The following PLPP4 variants were observed in gnomAD, a reference collection of about 807,000 sequenced individuals.
PLPP4 encodes phospholipid phosphatase 4.
A neutral mutation model predicts 32.2 loss-of-function variants in PLPP4; 20 were observed. That is an observed-to-expected ratio of 0.62 (90% confidence interval 0.44 to 0.90). PLPP4 has a LOEUF of 0.90. Ranked by LOEUF, PLPP4 falls within the 40% of genes least tolerant of loss-of-function variation. The probability of loss-of-function intolerance (pLI) is 0.00; values close to 1 mark genes in which losing one functional copy is unlikely to be tolerated. For synonymous variants in PLPP4, 127 were observed against 133.0 expected (o/e 0.95, Z 0.31); for missense variants, 257 against 353.1 (o/e 0.73, Z 2.18).
intron 5 of PLPP4, among the ~76,000 whole-genome samples, chr10:120,539,072 T>C (rs944924544): frequency 6.6e-6 from 1 of 152,204 alleles, no homozygotes; most frequent in East Asian, 1.9e-4. Flanking sequence ...CAGAAGCCCA[T>C]ACATACTAAT....
chr10:120,505,061 G>A (rs1416306190), intron 2 of PLPP4, among the ~76,000 whole-genome samples: 1 of 152,212 alleles, frequency 6.6e-6, no homozygotes, highest in Non-Finnish European at 1.5e-5. Flanking sequence ...GGCTTTTTGC[G>A]GAGAGCTTAA....
rs755494169 is a variant in PLPP4, at chr10:120,503,962, C to G, written c.165+36C>G. 14 of 1,396,322 alleles carry G rather than the reference C, an allele frequency of 1.0e-5. No homozygotes were observed. The South Asian group carries it at 1.2e-4, about 12-fold the overall frequency. The allele number at this position is 1,396,322 out of a possible 1,614,324, so 86.5% of individuals were successfully genotyped here. Reference sequence around the variant, plus strand: ...TGATTTCATTCCTTATTTGACTGCTCTCTCAAAGATGAACCAAATGGGTTT... The same window carrying G: ...TGATTTCATTCCTTATTTGACTGCTGTCTCAAAGATGAACCAAATGGGTTT... On this transcript the variant is annotated intron_variant, in intron 2 of 6. Transcript: ENST00000398250.
intron 1 of PLPP4, among the ~76,000 whole-genome samples, chr10:120,466,370 C>T (rs895199859): frequency 6.6e-6 from 1 of 152,082 alleles, no homozygotes; most frequent in Non-Finnish European, 1.5e-5. Context: ...TGATAAATAT[C>T]CCATATATCC....
intron 5 of PLPP4, among the ~76,000 whole-genome samples, chr10:120,564,864 TAGGG>T (rs1295807292): frequency 1.3e-5 from 2 of 152,142 alleles, no homozygotes; most frequent in Admixed American, 1.3e-4. Flanking sequence ...AATTTTTAAA[TAGGG>T]AGCAAATTTC....
rs374014466 is a variant in PLPP4 at position 120,529,216 on chromosome 10, CAG to C, written c.445+8122_445+8123del. Among the ~76,000 whole-genome samples, 33 of 152,024 alleles carry C rather than the reference CAG, an allele frequency of 2.2e-4. No individual in the cohort carries two copies. In the East Asian group the frequency reaches 3.5e-3, roughly 16 times the overall value. On this transcript the variant is annotated intron_variant, in intron 5 of 6. Transcript: ENST00000398250. ...TGTGTGTGTGTGCGTGCATGTGTAA[CAG>C]GGGGTGCTATTGGCATCTCGAGAAC... is the stretch of plus-strand genomic sequence containing the variant.
At chr10:120,460,405 T>A (rs1847987826) in intron 1 of PLPP4, among the ~76,000 whole-genome samples, 1 of 152,120 alleles carries the variant, frequency 6.6e-6, no homozygotes. Context: ...AAGCACATAG[T>A]GTAGAAATGA....
intron 6 of PLPP4, chr10:120,580,864 A>G (rs1849473427): frequency 4.7e-6 from 6 of 1,288,212 alleles, no homozygotes; most frequent in African/African-American, 3.0e-5. Flanking sequence ...CCTCAGCCCA[A>G]GTGAATTGAT....
intron 5 of PLPP4, among the ~76,000 whole-genome samples, chr10:120,534,241 C>CT (rs901649282): frequency 6.7e-5 from 10 of 149,068 alleles, no homozygotes; most frequent in South Asian, 2.1e-4. Context: ...TCTTGATTGA[C>CT]TTTTTTTTTT....
chr10:120,482,686 C>T (rs1229073818), intron 1 of PLPP4, among the ~76,000 whole-genome samples: 3 of 151,656 alleles, frequency 2.0e-5, no homozygotes, highest in Non-Finnish European at 4.4e-5. Context: ...GGGCAGATCA[C>T]GAGGTCAGGA....
intron 1 of PLPP4, among the ~76,000 whole-genome samples, chr10:120,462,833 G>A (rs11199350): frequency 0.28 from 42,280 of 152,010 alleles, 6,752 homozygotes; most frequent in South Asian, 0.44. Flanking sequence ...TGGCAGCACC[G>A]CAGGGTGGAG....
intron 3 of PLPP4, among the ~76,000 whole-genome samples, chr10:120,516,857 G>A (rs1799314138): frequency 6.6e-6 from 1 of 152,208 alleles, no homozygotes; most frequent in Admixed American, 6.5e-5. Flanking sequence ...GATCCCCGGA[G>A]GGTTGTGCTA....
intron 6 of PLPP4, chr10:120,587,405 G>A (rs1407417596): frequency 6.6e-6 from 1 of 152,114 alleles, no homozygotes; most frequent in African/African-American, 2.4e-5. Context: ...CTGCCATCAC[G>A]GACATGTCTA....
chr10:120,588,118 G>A (rs192802147), intron 6 of PLPP4, among the ~76,000 whole-genome samples: 114 of 152,380 alleles, frequency 7.5e-4, no homozygotes, highest in South Asian at 3.1e-3. Flanking sequence ...CCTATGGGAA[G>A]TCTGTACGGT....
Position 120,509,812 on chromosome 10 carries a change from T to C in PLPP4, c.166-4099T>C, listed in dbSNP as rs537874875. Reference sequence around the variant, plus strand: ...TAAGATATGACAGCTGTCACTGAAATTTCTATGACTTATCTATGACCTGGA... The same window carrying C: ...TAAGATATGACAGCTGTCACTGAAACTTCTATGACTTATCTATGACCTGGA... On this transcript the variant is annotated intron_variant, in intron 2 of 6. Coordinates refer to ENST00000398250, the MANE Select transcript of PLPP4 (RefSeq NM_001030059.3). 5.7e-4 allele frequency among the ~76,000 whole-genome samples: 87 copies of C among 152,332 alleles called. 1 individual carries two copies. The highest frequency in any genetic ancestry group is 2.0e-3 in the African/African-American group (82 of 41,582).
At chr10:120,544,047 G>A (rs143490350) in intron 5 of PLPP4, among the ~76,000 whole-genome samples, 20 of 152,244 alleles carry the variant, frequency 1.3e-4, no homozygotes, top group African/African-American at 4.6e-4. Flanking sequence ...TCATGTTTTA[G>A]CTATTGCGAA....
intron 1 of PLPP4, among the ~76,000 whole-genome samples, chr10:120,494,378 C>T (rs1422420292): frequency 2.0e-5 from 3 of 152,202 alleles, no homozygotes; most frequent in African/African-American, 4.8e-5. Context: ...CCCAAGGTCA[C>T]GTGGCTGGTA....
At chr10:120,552,721 A>C (rs1237475897) in intron 5 of PLPP4, among the ~76,000 whole-genome samples, 1 of 152,144 alleles carries the variant, frequency 6.6e-6, no homozygotes, top group Non-Finnish European at 1.5e-5. Flanking sequence ...TCTATGACCT[A>C]CTTTGGCCCT....
intron 5 of PLPP4, among the ~76,000 whole-genome samples, chr10:120,531,087 C>CTT (rs71019773): frequency 1.0e-5 from 1 of 100,400 alleles, no homozygotes; most frequent in African/African-American, 3.9e-5. Flanking sequence ...CTGTCATTTT[C>CTT]TTTTTTTTTT....
chr10:120,571,796 G>A (rs1013009933), intron 5 of PLPP4, among the ~76,000 whole-genome samples: 6 of 152,186 alleles, frequency 3.9e-5, no homozygotes, highest in Non-Finnish European at 8.8e-5. Flanking sequence ...AAACAGGAGT[G>A]CAGAGAACCA....
Sources: gnomAD v4.1 joint callset for allele counts (sites outside exome capture counted in the v4.1 genomes callset) on GRCh38, gnomAD v4.1.1 for gene constraint, MANE v1.5 for transcripts, NCBI Gene and HGNC (gene_info 2026-07-23, HGNC 2026-07-21) for gene names.